SAMSN1: variants seen among roughly 807,000 people sequenced by gnomAD.
The protein encoded by SAMSN1 is SAM domain, SH3 domain and nuclear localization signals 1.
A neutral mutation model predicts 42.0 loss-of-function variants in SAMSN1; 31 were observed. The ratio of observed to expected loss-of-function variants is 0.74; its 90% CI spans 0.55 to 1.00. The LOEUF is 1.00. SAMSN1 is among the 50% of genes least tolerant of loss of function. The pLI is 0.00. For synonymous variants in SAMSN1, 178 were observed against 151.9 expected, an observed-to-expected ratio of 1.17 and a Z score of -1.26; for missense variants, 464 against 439.4, an observed-to-expected ratio of 1.06 and a Z score of -0.50.
intron 2 of SAMSN1, among the ~76,000 whole-genome samples, chr21:14,581,127 G>C (rs1042181615): frequency 1.3e-5 from 2 of 151,862 alleles, no homozygotes; most frequent in Non-Finnish European, 2.9e-5. Flanking sequence ...ACTCCAGAGA[G>C]CATACTCTTT....
chr21:14,584,501 A>G (rs934517421), upstream of SAMSN1, among the ~76,000 whole-genome samples: 1 of 152,178 alleles, frequency 6.6e-6, no homozygotes, highest in Non-Finnish European at 1.5e-5. Context: ...TTGAATTTGT[A>G]TTTATACAGC....
rs148470382 is a variant in SAMSN1 at position 14,510,761 on chromosome 21, C to G, written c.410-300G>C. Among the ~76,000 whole-genome samples, 453 of 152,328 alleles carry G rather than the reference C, an allele frequency of 3.0e-3. 3 individuals carry two copies. Among genetic ancestry groups the G allele is most frequent in the African/African-American group, 0.01 (427 of 41,578 alleles). ...TGCACAATGTACTAAGTATTGGTCA[C>G]TTGCCAAAAGCATCACATTACAAAG... On this transcript the variant is annotated intron_variant, in intron 4 of 7. Coordinates refer to ENST00000400566, the MANE Select transcript of SAMSN1 (RefSeq NM_022136.5).
intron 2 of SAMSN1, among the ~76,000 whole-genome samples, chr21:14,571,713 C>G (rs542130731): frequency 6.6e-6 from 1 of 152,260 alleles, no homozygotes; most frequent in Non-Finnish European, 1.5e-5. Flanking sequence ...ATATGCAAGA[C>G]ACTGTCAATA....
intron 1 of SAMSN1, among the ~76,000 whole-genome samples, chr21:14,530,682 T>C (rs1170405503): frequency 1.3e-5 from 2 of 152,222 alleles, no homozygotes; most frequent in African/African-American, 4.8e-5. Flanking sequence ...AAGAGCTGTG[T>C]TGAGAAGCGT....
intron 2 of SAMSN1, among the ~76,000 whole-genome samples, chr21:14,626,954 A>T (rs1983194231): frequency 6.6e-6 from 1 of 152,226 alleles, no homozygotes; most frequent in Non-Finnish European, 1.5e-5. Context: ...GCCATAAAAA[A>T]TGATGAGTTC....
intron 7 of SAMSN1, chr21:14,592,315 C>T (rs1982110658): frequency 6.6e-6 from 1 of 152,428 alleles, no homozygotes; most frequent in African/African-American, 2.4e-5. Context: ...CTATTGGATT[C>T]TTAGCAAGAA....
intron 6 of SAMSN1, among the ~76,000 whole-genome samples, chr21:14,597,457 G>A (rs950176897): frequency 2.0e-5 from 3 of 152,082 alleles, no homozygotes; most frequent in Non-Finnish European, 2.9e-5. Context: ...AACTCTAAAT[G>A]CTGGTTACAC....
intron 4 of SAMSN1, among the ~76,000 whole-genome samples, chr21:14,610,051 A>G (rs1382260467): frequency 1.3e-5 from 2 of 152,196 alleles, no homozygotes; most frequent in African/African-American, 2.4e-5. Flanking sequence ...TGTTTGAACA[A>G]TATCAAATCT....
intron 1 of SAMSN1, among the ~76,000 whole-genome samples, chr21:14,645,720 T>C (rs1028443569): frequency 2.6e-5 from 4 of 152,214 alleles, no homozygotes; most frequent in African/African-American, 9.6e-5. Flanking sequence ...TTTCAGATAA[T>C]TTGAAATAGA....
intron 6 of SAMSN1, among the ~76,000 whole-genome samples, chr21:14,597,486 G>A (rs1312908937): frequency 6.6e-6 from 1 of 152,106 alleles, no homozygotes; most frequent in East Asian, 1.9e-4. Flanking sequence ...AACTGAAGGA[G>A]GCTAGTTTAG....
At chr21:14,594,292 A>C (rs1440401012) in intron 6 of SAMSN1, among the ~76,000 whole-genome samples, 1 of 152,178 alleles carries the variant, frequency 6.6e-6, no homozygotes, top group Admixed American at 6.6e-5. Context: ...GAATATGTGT[A>C]TGTATACATA....
chr21:14,640,632 A>G (rs967990951), intron 2 of SAMSN1, among the ~76,000 whole-genome samples: 1 of 142,692 alleles, frequency 7.0e-6, no homozygotes, highest in Non-Finnish European at 1.5e-5. Context: ...TGGGGATACT[A>G]AGAAAGCAGG....
chr21:14,503,574 T>C (rs1237795053), intron 5 of SAMSN1, among the ~76,000 whole-genome samples: 1 of 152,072 alleles, frequency 6.6e-6, no homozygotes. Flanking sequence ...TACACAGCAA[T>C]AGAGAATGAA....
upstream of SAMSN1, among the ~76,000 whole-genome samples, chr21:14,586,281 A>AG (rs1393035817): frequency 2.0e-5 from 3 of 149,772 alleles, 1 homozygote; most frequent in East Asian, 5.9e-4. Context: ...AAAAAAAAGA[A>AG]AAAGAAAAAA....
chr21:14,520,315 C>T (rs1408397747), intron 2 of SAMSN1, among the ~76,000 whole-genome samples: 1 of 152,054 alleles, frequency 6.6e-6, no homozygotes, highest in African/African-American at 2.4e-5. Context: ...TACAGTTGGG[C>T]CACTTAATCT....
intron 5 of SAMSN1, among the ~76,000 whole-genome samples, chr21:14,609,292 A>C (rs1032089172): frequency 1.3e-5 from 2 of 152,242 alleles, no homozygotes; most frequent in Admixed American, 1.3e-4. Flanking sequence ...ATACACATAT[A>C]TATATGTATA....
chr21:14,642,510 T>C (rs1426374266), intron 2 of SAMSN1, among the ~76,000 whole-genome samples: 1 of 152,206 alleles, frequency 6.6e-6, no homozygotes, highest in Non-Finnish European at 1.5e-5. Flanking sequence ...ACTGCAAACC[T>C]GTAGTTAAAC....
chr21:14,488,284 A>C (rs889923796), intron 7 of SAMSN1, among the ~76,000 whole-genome samples: 1 of 152,176 alleles, frequency 6.6e-6, no homozygotes, highest in African/African-American at 2.4e-5. Flanking sequence ...ATATTACCTC[A>C]ATGCAAAATT....
intron 6 of SAMSN1, among the ~76,000 whole-genome samples, chr21:14,596,251 C>T (rs1250285340): frequency 6.6e-6 from 1 of 151,798 alleles, no homozygotes; most frequent in East Asian, 1.9e-4. Flanking sequence ...CCAACAAAAG[C>T]CACTCTTGAA....
Sources: gnomAD v4.1 joint callset for allele counts (sites outside exome capture counted in the v4.1 genomes callset) on GRCh38, gnomAD v4.1.1 for gene constraint, MANE v1.5 for transcripts, NCBI Gene and HGNC (gene_info 2026-07-23, HGNC 2026-07-21) for gene names.